MID1: variants seen among roughly 807,000 people sequenced by gnomAD.
MID1 encodes E3 ubiquitin-protein ligase Midline-1.
Under a neutral mutation model 40.4 loss-of-function variants are expected in MID1, and 7 were observed. The observed-to-expected ratio is 0.17, with a 90% confidence interval of 0.10 to 0.33. The LOEUF (loss-of-function observed/expected upper bound fraction) is 0.33. Ranked by LOEUF, MID1 falls within the 10% of genes least tolerant of loss-of-function variation. The pLI is 1.00. For synonymous variants in MID1, 229 were observed against 221.2 expected (o/e 1.04, Z -0.31); for missense variants, 367 against 558.5 (o/e 0.66, Z 3.46).
chrX:10,730,634 C>G (rs1031428113), intron 1 of MID1, among the ~76,000 whole-genome samples: 1 of 102,535 alleles, frequency 9.8e-6, no homozygotes, highest in Non-Finnish European at 2.0e-5. Context: ...TGCAGTGGCA[C>G]GATCTCGGCT....
intron 1 of MID1, among the ~76,000 whole-genome samples, chrX:10,572,299 C>T (rs1471942010): frequency 9.1e-6 from 1 of 110,287 alleles, no homozygotes; most frequent in Non-Finnish European, 1.9e-5. Flanking sequence ...CCTGTAATCC[C>T]AGCACTTTGG....
rs1467838311 is a variant in MID1 at position 10,469,685 on chromosome X, T to C, written c.1285+12A>G. ...ACCAAAGACAGAAATAAATAGGCCA[T>C]GAGATACTCACTAACGACGTTGGCT... On this transcript the variant is annotated intron_variant, in intron 7 of 9. Transcript: ENST00000317552. The C allele has an allele frequency of 1.7e-6, 2 of 1,204,655 alleles. No individual in the cohort carries two copies. Among genetic ancestry groups the C allele is most frequent in the Non-Finnish European group, 2.2e-6 (2 of 889,044 alleles).
intron 7 of MID1, among the ~76,000 whole-genome samples, chrX:10,462,710 CATT>C (rs1315889153): frequency 9.0e-6 from 1 of 110,528 alleles, no homozygotes; most frequent in Non-Finnish European, 1.9e-5. Context: ...TAATGTGGCT[CATT>C]ATAAGATCTT....
intron 1 of MID1, among the ~76,000 whole-genome samples, chrX:10,572,958 G>A (rs1482353174): frequency 1.8e-5 from 2 of 112,002 alleles, no homozygotes; most frequent in African/African-American, 6.5e-5. Flanking sequence ...AGCTGTCTGA[G>A]TATCCATGGG....
chrX:10,447,621 A>G lies in MID1; in HGVS notation c.*1747T>C, dbSNP rs1190320526. On this transcript the variant is annotated 3_prime_UTR_variant, in exon 10 of 10. Coordinates refer to ENST00000317552, the MANE Select transcript of MID1 (RefSeq NM_000381.4). ...TTTTAGATGTGAAATTGTCTTAGGTATCTATCAAAATATTCATCTGGGTAT... is the reference window on the plus strand; with the variant it reads ...TTTTAGATGTGAAATTGTCTTAGGTGTCTATCAAAATATTCATCTGGGTAT... 9.0e-6 allele frequency: 1 copy of G among 111,730 alleles called. No individual in the cohort carries two copies. The highest frequency in any genetic ancestry group is 1.9e-5 in the Non-Finnish European group (1 of 53,201). The allele number at this position is 111,730 out of a possible 1,213,427, so 9.2% of individuals were successfully genotyped here.
At chrX:10,554,383 T>C (rs1175942568) in intron 2 of MID1, among the ~76,000 whole-genome samples, 1 of 112,016 alleles carries the variant, frequency 8.9e-6, no homozygotes, top group African/African-American at 3.2e-5. Context: ...TAAAGCAGCA[T>C]CTTGACAGAT....
At chrX:10,824,615 G>A (rs1258595016) in intron 1 of MID1, among the ~76,000 whole-genome samples, 2 of 112,153 alleles carry the variant, frequency 1.8e-5, no homozygotes, top group African/African-American at 6.5e-5. Context: ...AATGAAAATG[G>A]CAGTCCCTTT....
At chrX:10,813,414 A>G (rs919220262) in intron 1 of MID1, among the ~76,000 whole-genome samples, 3 of 111,526 alleles carry the variant, frequency 2.7e-5, no homozygotes, top group Admixed American at 9.6e-5. Flanking sequence ...AATGGGTGTA[A>G]TTATCTCTAT....
At chrX:10,825,776 A>G (rs892947760) in intron 1 of MID1, among the ~76,000 whole-genome samples, 4 of 111,458 alleles carry the variant, frequency 3.6e-5, no homozygotes, top group Non-Finnish European at 5.7e-5. Context: ...ACTTACAGAG[A>G]TCTTGGCTGT....
chrX:10,525,566 G>A (rs1932814428), intron 2 of MID1, among the ~76,000 whole-genome samples: 1 of 112,407 alleles, frequency 8.9e-6, no homozygotes, highest in African/African-American at 3.2e-5. Context: ...CTCATACGAT[G>A]TAAACTTTGT....
chrX:10,541,072 T>C (rs1338732617), intron 2 of MID1, among the ~76,000 whole-genome samples: 1 of 112,266 alleles, frequency 8.9e-6, no homozygotes, highest in African/African-American at 3.2e-5. Context: ...TTGAGATCTG[T>C]CTGGAAGAGT....
chrX:10,596,807 C>A (rs971660055), intron 1 of MID1, among the ~76,000 whole-genome samples: 9 of 112,088 alleles, frequency 8.0e-5, no homozygotes, highest in African/African-American at 2.9e-4. Flanking sequence ...GCCCTGGGGA[C>A]ACCAAAACCC....
intron 2 of MID1, among the ~76,000 whole-genome samples, chrX:10,525,378 T>C (rs908943043): frequency 5.3e-5 from 6 of 112,313 alleles, no homozygotes; most frequent in African/African-American, 1.3e-4. Context: ...CCTTTTCTTA[T>C]TGAATTTCTC....
intron 2 of MID1, among the ~76,000 whole-genome samples, chrX:10,535,965 G>C (rs1177941667): frequency 9.0e-6 from 1 of 110,909 alleles, no homozygotes; most frequent in Non-Finnish European, 1.9e-5. Flanking sequence ...ACACACACCT[G>C]TCCCAGCACT....
At chrX:10,666,493 G>C (rs941531172) in intron 1 of MID1, among the ~76,000 whole-genome samples, 1 of 110,824 alleles carries the variant, frequency 9.0e-6, no homozygotes, top group Admixed American at 9.6e-5. Context: ...AATGGAAGAG[G>C]AATAAGTGAA....
intron 1 of MID1, among the ~76,000 whole-genome samples, chrX:10,584,065 G>C (rs1409301185): frequency 9.1e-6 from 1 of 110,343 alleles, no homozygotes; most frequent in Non-Finnish European, 1.9e-5. Flanking sequence ...AGCAGGTTAG[G>C]GGCCTGGTAT....
At chrX:10,758,138 T>G (rs927467833) in intron 1 of MID1, among the ~76,000 whole-genome samples, 23 of 104,425 alleles carry the variant, frequency 2.2e-4, no homozygotes, top group East Asian at 1.2e-3. Context: ...TTTTTTTTTT[T>G]TTTGTTTTGT....
chrX:10,699,874 G>A (rs1047187554), intron 1 of MID1, among the ~76,000 whole-genome samples: 7 of 108,524 alleles, frequency 6.5e-5, no homozygotes, highest in Admixed American at 2.0e-4. Context: ...CCAGGTTGGA[G>A]TGCAATGGGG....
chrX:10,555,817 A>T (rs913297449), intron 2 of MID1, among the ~76,000 whole-genome samples: 1 of 110,758 alleles, frequency 9.0e-6, no homozygotes, highest in East Asian at 2.8e-4. Context: ...AGCAAAAGAG[A>T]TATAAGGGAG....
Sources: allele counts gnomAD v4.1 joint callset (sites outside exome capture counted in the v4.1 genomes callset), GRCh38; gene constraint gnomAD v4.1.1; transcripts MANE v1.5; gene names NCBI Gene and HGNC (gene_info 2026-07-23, HGNC 2026-07-21).